Variants in DKK2 observed in about 807,000 individuals in gnomAD.
The protein encoded by DKK2 is dickkopf-related protein 2.
In DKK2, 11 loss-of-function variants were observed where a neutral mutation model predicts 28.1. That is an observed-to-expected ratio of 0.39 (90% CI 0.25 to 0.65). DKK2 has a LOEUF of 0.65. Ranked by LOEUF, DKK2 falls within the 30% of genes least tolerant of loss-of-function variation. The pLI is 0.47. For missense variants in DKK2, 326 were observed against 335.5 expected, an observed-to-expected ratio of 0.97 and a Z score of 0.22; for synonymous variants, 135 against 126.5, an observed-to-expected ratio of 1.07 and a Z score of -0.45.
chr4:107,009,329 G>A (rs1049536308), intron 1 of DKK2, among the ~76,000 whole-genome samples: 2 of 151,906 alleles, frequency 1.3e-5, no homozygotes, highest in Non-Finnish European at 2.9e-5. Context: ...GAAATGTAAA[G>A]GTAATGTTGC....
intron 1 of DKK2, among the ~76,000 whole-genome samples, chr4:107,028,150 A>C (rs978753943): frequency 2.2e-4 from 32 of 147,850 alleles, no homozygotes; most frequent in African/African-American, 7.7e-4. Flanking sequence ...ATTTTCTGCA[A>C]TACAACATTG....
chr4:106,939,540 A>C (rs1724658779), intron 1 of DKK2, among the ~76,000 whole-genome samples: 1 of 152,180 alleles, frequency 6.6e-6, no homozygotes, highest in African/African-American at 2.4e-5. Context: ...GGCCCAAGGT[A>C]ATTTACAGAT....
At position 106,940,242 on chromosome 4, in the gene DKK2, T is replaced by C. The variant is rs368151323; in HGVS notation, c.223-14293A>G. On this transcript the variant is annotated intron_variant, in intron 1 of 3. Coordinates refer to ENST00000285311, the MANE Select transcript of DKK2 (RefSeq NM_014421.3). ...AAGGGCTAATATCCAGAATCTACAA[T>C]GAACTCAAACAAATTTACAAGAAAA... is the stretch of plus-strand genomic sequence containing the variant. Among the ~76,000 whole-genome samples, 49 of 152,144 alleles carry C rather than the reference T, an allele frequency of 3.2e-4. No individual in the cohort carries two copies. The East Asian group carries it at 7.8e-3, about 24-fold the overall frequency.
intron 1 of DKK2, among the ~76,000 whole-genome samples, chr4:106,940,283 CA>C (rs1319788124): frequency 5.9e-5 from 9 of 152,144 alleles, no homozygotes; most frequent in Non-Finnish European, 8.8e-5. Context: ...ATAACCCCAT[CA>C]AAAAGTGGGC....
At chr4:107,001,904 C>T (rs1161628203) in intron 1 of DKK2, among the ~76,000 whole-genome samples, 1 of 152,102 alleles carries the variant, frequency 6.6e-6, no homozygotes, top group Non-Finnish European at 1.5e-5. Flanking sequence ...AAATTAGTGT[C>T]CTTTGGATCA....
At chr4:106,997,200 A>G (rs1723284905) in intron 1 of DKK2, among the ~76,000 whole-genome samples, 1 of 152,178 alleles carries the variant, frequency 6.6e-6, no homozygotes, top group African/African-American at 2.4e-5. Flanking sequence ...AACTATTCCC[A>G]CTATACTAGT....
intron 1 of DKK2, among the ~76,000 whole-genome samples, chr4:107,000,531 A>G (rs1378396631): frequency 6.6e-6 from 1 of 152,314 alleles, no homozygotes; most frequent in African/African-American, 2.4e-5. Flanking sequence ...GTTTTTAAGC[A>G]TTTAGTAACT....
At chr4:106,960,714 T>C (rs1722673850) in intron 1 of DKK2, among the ~76,000 whole-genome samples, 1 of 152,210 alleles carries the variant, frequency 6.6e-6, no homozygotes, top group Non-Finnish European at 1.5e-5. Context: ...TGTATTTATA[T>C]TGTTATAAAA....
At chr4:107,027,482 A>C (rs1169236677) in intron 1 of DKK2, among the ~76,000 whole-genome samples, 1 of 151,972 alleles carries the variant, frequency 6.6e-6, no homozygotes, top group Non-Finnish European at 1.5e-5. Context: ...AAGAAAGAAA[A>C]TGATATGGAA....
At chr4:106,971,087 G>C (rs906360364) in intron 1 of DKK2, among the ~76,000 whole-genome samples, 1 of 152,072 alleles carries the variant, frequency 6.6e-6, no homozygotes, top group African/African-American at 2.4e-5. Context: ...TTGTCACAGT[G>C]TGCAAATGTT....
At chr4:106,935,408 G>C (rs1724566541) in intron 1 of DKK2, among the ~76,000 whole-genome samples, 1 of 152,228 alleles carries the variant, frequency 6.6e-6, no homozygotes, top group South Asian at 2.1e-4. Flanking sequence ...CTTTTCCAAT[G>C]GGCTTAAAAA....
chr4:107,005,884 G>A (rs1181468041), intron 1 of DKK2, among the ~76,000 whole-genome samples: 1 of 152,010 alleles, frequency 6.6e-6, no homozygotes, highest in Non-Finnish European at 1.5e-5. Context: ...AATAAACTTC[G>A]ACTTCTAGAG....
chr4:106,929,841 T>C (rs1724475896), intron 1 of DKK2, among the ~76,000 whole-genome samples: 1 of 152,188 alleles, frequency 6.6e-6, no homozygotes, highest in Non-Finnish European at 1.5e-5. Flanking sequence ...AAGTAACTGC[T>C]AGAAATAAGT....
chr4:107,023,912 T>A (rs1157262261), intron 1 of DKK2, among the ~76,000 whole-genome samples: 1 of 152,158 alleles, frequency 6.6e-6, no homozygotes, highest in Non-Finnish European at 1.5e-5. Context: ...ACTCTGAGAT[T>A]CCTGCACATA....
At chr4:106,947,892 CCTT>C (rs774965245) in intron 1 of DKK2, among the ~76,000 whole-genome samples, 2 of 152,040 alleles carry the variant, frequency 1.3e-5, no homozygotes, top group Non-Finnish European at 2.9e-5. Flanking sequence ...TTCAAGCTCT[CCTT>C]CTGTCTCAGC....
intron 1 of DKK2, among the ~76,000 whole-genome samples, chr4:106,972,205 A>G (rs1468882629): frequency 1.3e-5 from 2 of 151,842 alleles, no homozygotes; most frequent in Non-Finnish European, 2.9e-5. Flanking sequence ...CCGCCTCACC[A>G]CTTCTCCTCC....
At chr4:106,961,572 C>CACACAA (rs1329092641) in intron 1 of DKK2, among the ~76,000 whole-genome samples, 182 of 149,980 alleles carry the variant, frequency 1.2e-3, no homozygotes, top group Middle Eastern at 6.9e-3. Context: ...CCTGCACACA[C>CACACAA]ACACACACAC....
chr4:106,951,704 A>G (rs1166994392), intron 1 of DKK2, among the ~76,000 whole-genome samples: 1 of 152,192 alleles, frequency 6.6e-6, no homozygotes, highest in Admixed American at 6.5e-5. Flanking sequence ...TTGACAATAA[A>G]GGTAAACATG....
intron 1 of DKK2, among the ~76,000 whole-genome samples, chr4:106,984,558 T>C (rs1300809057): frequency 6.6e-6 from 1 of 152,198 alleles, no homozygotes; most frequent in Non-Finnish European, 1.5e-5. Flanking sequence ...TGTATGTATA[T>C]ACCACATTTT....
Sources: allele counts gnomAD v4.1 joint callset (sites outside exome capture counted in the v4.1 genomes callset), GRCh38; gene constraint gnomAD v4.1.1; transcripts MANE v1.5; gene names NCBI Gene and HGNC (gene_info 2026-07-23, HGNC 2026-07-21).